Variants in SOD2 observed in about 807,000 individuals in gnomAD.
SOD2 encodes the protein superoxide dismutase [Mn], mitochondrial.
Under a neutral mutation model 27.0 loss-of-function variants are expected in SOD2, and 11 were observed. The observed-to-expected ratio is 0.41, with a 90% CI of 0.26 to 0.67. SOD2 has a LOEUF of 0.67. SOD2 is among the 30% of genes least tolerant of loss of function. The pLI is 0.34. For synonymous variants in SOD2, 105 were observed against 103.0 expected (o/e 1.02, Z -0.12); for missense variants, 250 against 274.5 (o/e 0.91, Z 0.63).
At chr6:159,689,436 G>A (rs1373049260) in intron 2 of SOD2, among the ~76,000 whole-genome samples, 1 of 152,076 alleles carries the variant, frequency 6.6e-6, no homozygotes, top group Non-Finnish European at 1.5e-5. Context: ...AAATAAGTAG[G>A]CAAAATAAAA....
rs547476065 is a variant in SOD2 at position 159,701,978 on chromosome 6, A to T, written c.-115-9115T>A. Among the ~76,000 whole-genome samples the T allele has an allele frequency of 2.8e-3, 428 of 152,312 alleles. 2 individuals are homozygous for T. The highest frequency in any genetic ancestry group is 9.8e-3 in the African/African-American group (409 of 41,566). On this transcript the variant is annotated intron_variant, in intron 1 of 2. Coordinates refer to the SOD2 transcript ENST00000401980. ...GCTTTTCTCTCACTTTTTCCTAGAG[A>T]ACAAGAACAAAATCTCCCTGCCTTG...
chr6:159,749,305 A>T (rs1287117199), upstream of SOD2: 1 of 985,860 alleles, frequency 1.0e-6, no homozygotes. Flanking sequence ...GTTCCATTCA[A>T]CAGGCACATG....
At chr6:159,712,230 C>G (rs531932449) in intron 1 of SOD2, among the ~76,000 whole-genome samples, 1 of 127,390 alleles carries the variant, frequency 7.8e-6, no homozygotes, top group Non-Finnish European at 1.8e-5. Context: ...ATAACCACCA[C>G]TCACATTGCT....
At chr6:159,711,733 C>T (rs201531653) in intron 1 of SOD2, among the ~76,000 whole-genome samples, 1,409 of 30,924 alleles carry the variant, frequency 0.046, 8 homozygotes, top group African/African-American at 0.061. Context: ...ACCACCTCCA[C>T]AACCACCACT....
rs954486024 is a variant in SOD2, at chr6:159,715,736, T to TA, written c.-116+11392dup. On this transcript the variant is annotated intron_variant, in intron 1 of 2. Transcript: ENST00000401980. The stretch of plus-strand genomic sequence containing the variant: ...CCAACATGGTGAGACTCCGTCTCCA[T>TA]AAAAAATGCAAAAATTAGCTGGGTA... Among the ~76,000 whole-genome samples the TA allele has an allele frequency of 4.0e-5, 6 of 151,594 alleles. 1 individual carries two copies. The highest frequency in any genetic ancestry group is 2.6e-4 in the Admixed American group (4 of 15,196).
chr6:159,753,172 A>G (rs7747055), intron 1 of SOD2, among the ~76,000 whole-genome samples: 5 of 152,230 alleles, frequency 3.3e-5, no homozygotes, highest in African/African-American at 1.2e-4. Context: ...ATTTCAAATG[A>G]TAATTTGAGA....
rs1471535505 is a variant in SOD2, at chr6:159,672,593, C to A, written c.*9900G>T. 1 of 152,136 alleles carries A rather than the reference C, an allele frequency of 6.6e-6. No homozygotes were observed. Among genetic ancestry groups the A allele is most frequent in the Non-Finnish European group, 1.5e-5 (1 of 68,034 alleles). 9.4% of individuals were successfully genotyped at this position (152,136 alleles called of 1,614,324 possible). On this transcript the variant is annotated 3_prime_UTR_variant, in exon 5 of 5. Transcript: ENST00000538183. ...GCCTTACAAGAGCTCCTGAAGGAAG[C>A]ACTAAACATGGAATGGAACAACCAG... is the stretch of plus-strand genomic sequence containing the variant.
chr6:159,741,982 G>T, intron 1 of SOD2: 3 of 830,298 alleles, frequency 3.6e-6, no homozygotes, highest in Non-Finnish European at 1.9e-6. Context: ...GAAAAATCCA[G>T]AAGAATGCTC....
At chr6:159,683,496 A>C (rs1467216325) in intron 4 of SOD2, among the ~76,000 whole-genome samples, 1 of 152,172 alleles carries the variant, frequency 6.6e-6, no homozygotes, top group Non-Finnish European at 1.5e-5. Context: ...CACACACAAA[A>C]ACACTCAAAA....
At chr6:159,712,374 C>CA (rs1777824053) in intron 1 of SOD2, among the ~76,000 whole-genome samples, 1 of 130,438 alleles carries the variant, frequency 7.7e-6, no homozygotes, top group Admixed American at 7.6e-5. Context: ...CTCTGACCTC[C>CA]ATAACCACCT....
chr6:159,732,184 A>G (rs1254534161), upstream of SOD2, among the ~76,000 whole-genome samples: 2 of 152,220 alleles, frequency 1.3e-5, 1 homozygote, highest in East Asian at 3.8e-4. Context: ...ATCCAAATAT[A>G]AATGGACCCA....
chr6:159,745,838 G>A (rs558152970), upstream of SOD2, among the ~76,000 whole-genome samples: 3 of 152,308 alleles, frequency 2.0e-5, no homozygotes, highest in Non-Finnish European at 4.4e-5. Flanking sequence ...GAAGCCACTG[G>A]TGGTAGCAGA....
intron 1 of SOD2, among the ~76,000 whole-genome samples, chr6:159,716,452 G>T (rs1326788188): frequency 6.6e-6 from 1 of 152,180 alleles, no homozygotes; most frequent in Non-Finnish European, 1.5e-5. Context: ...AACAAGGAAG[G>T]GAGGGGGAAA....
exon 1 of SOD2, chr6:159,761,758 CACTG>C (rs918213062): frequency 1.6e-5 from 5 of 318,062 alleles, no homozygotes; most frequent in African/African-American, 1.1e-4. Flanking sequence ...TGTCCAGAAA[CACTG>C]GGGTTTCAGG....
At position 159,682,155 on chromosome 6, in the gene SOD2, C is replaced by A. The variant is rs1779991086; in HGVS notation, c.*338G>T. ...GGGCAAAAGACTAGATTTTCTATAA[C>A]TGCAATAGAATAGGACTAGAAAGGC... On this transcript the variant is annotated 3_prime_UTR_variant, in exon 5 of 5. Coordinates refer to ENST00000538183, the MANE Select transcript of SOD2 (RefSeq NM_000636.4). 6.1e-6 allele frequency: 1 copy of A among 163,726 alleles called. No individual in the cohort carries two copies. The highest frequency in any genetic ancestry group is 6.4e-5 in the Admixed American group (1 of 15,646). 10.1% of individuals were successfully genotyped at this position (163,726 alleles called of 1,614,324 possible). A position where few individuals can be genotyped will look rare whatever the true frequency, so the allele number is the denominator to read the frequency against.
upstream of SOD2, among the ~76,000 whole-genome samples, chr6:159,728,827 T>G (rs576535101): frequency 2.6e-5 from 4 of 152,226 alleles, no homozygotes; most frequent in Non-Finnish European, 5.9e-5. Context: ...TTTTATATGT[T>G]AAGGTATCTT....
intron 1 of SOD2, among the ~76,000 whole-genome samples, chr6:159,706,395 T>C (rs1245432814): frequency 6.6e-6 from 1 of 151,988 alleles, no homozygotes; most frequent in Non-Finnish European, 1.5e-5. Context: ...GAGACACACA[T>C]AGGCTCAAAA....
chr6:159,757,004 G>A (rs1780023997), intron 1 of SOD2, among the ~76,000 whole-genome samples: 2 of 152,142 alleles, frequency 1.3e-5, no homozygotes, highest in South Asian at 4.1e-4. Context: ...ACGCTGGCCA[G>A]CACTACTGAT....
At chr6:159,757,974 T>C (rs540369525) in intron 1 of SOD2, among the ~76,000 whole-genome samples, 1 of 152,242 alleles carries the variant, frequency 6.6e-6, no homozygotes, top group Non-Finnish European at 1.5e-5. Flanking sequence ...GACCTGTTAA[T>C]GTGACATTTT....
Sources: allele counts gnomAD v4.1 joint callset (sites outside exome capture counted in the v4.1 genomes callset), GRCh38; gene constraint gnomAD v4.1.1; transcripts MANE v1.5; gene names NCBI Gene and HGNC (gene_info 2026-07-23, HGNC 2026-07-21).